Variants in SCAPER observed in about 807,000 individuals in gnomAD.
The protein encoded by SCAPER is S phase cyclin A-associated protein in the endoplasmic reticulum.
In SCAPER, 98 loss-of-function variants were observed where a neutral mutation model predicts 182.2. That is an observed-to-expected ratio of 0.54 (90% confidence interval 0.46 to 0.64). SCAPER has a LOEUF of 0.64. SCAPER is among the 30% of genes least tolerant of loss of function. SCAPER has a pLI of 0.00. For missense variants in SCAPER, 1,432 were observed against 1,690.0 expected, an observed-to-expected ratio of 0.85 and a Z score of 2.68; for synonymous variants, 605 against 564.6, an observed-to-expected ratio of 1.07 and a Z score of -1.01.
intron 25 of SCAPER, 55 bp from the exon 26 acceptor site, chr15:76,434,365 C>CA: frequency 8.0e-7 from 1 of 1,245,002 alleles, no homozygotes; most frequent in African/African-American, 1.5e-5. Flanking sequence ...CAAAAATGGG[C>CA]AGAGACAGTT....
intron 24 of SCAPER, among the ~76,000 whole-genome samples, chr15:76,500,791 T>C (rs1314677694): frequency 3.3e-5 from 5 of 151,928 alleles, no homozygotes; most frequent in African/African-American, 1.2e-4. Flanking sequence ...TAAAAGTTTG[T>C]AGGTTGGGGA....
At chr15:76,517,949 G>A (rs1398510969) in intron 23 of SCAPER, among the ~76,000 whole-genome samples, 1 of 152,036 alleles carries the variant, frequency 6.6e-6, no homozygotes, top group Non-Finnish European at 1.5e-5. Flanking sequence ...GAATATAAAG[G>A]AATGTTAAGT....
intron 25 of SCAPER, among the ~76,000 whole-genome samples, chr15:76,461,410 C>A (rs1469320888): frequency 6.6e-6 from 1 of 151,674 alleles, no homozygotes; most frequent in Non-Finnish European, 1.5e-5. Context: ...TCTCATCCTA[C>A]ATTTGTCCAC....
At chr15:76,650,922 A>G (rs1436469855) in intron 21 of SCAPER, among the ~76,000 whole-genome samples, 1 of 152,158 alleles carries the variant, frequency 6.6e-6, no homozygotes. Flanking sequence ...TAAGTAATCA[A>G]TAGGTCAAAG....
At chr15:76,748,083 C>T (rs867869526) in intron 15 of SCAPER, among the ~76,000 whole-genome samples, 1 of 151,682 alleles carries the variant, frequency 6.6e-6, no homozygotes, top group Non-Finnish European at 1.5e-5. Context: ...CTCCGCCTCC[C>T]GGGTTCAAGC....
intron 20 of SCAPER, among the ~76,000 whole-genome samples, chr15:76,677,619 C>G (rs2057441581): frequency 6.6e-6 from 1 of 151,510 alleles, no homozygotes; most frequent in Admixed American, 6.6e-5. Context: ...TTTTAAACAA[C>G]ACTGCTATAG....
intron 20 of SCAPER, among the ~76,000 whole-genome samples, chr15:76,679,918 C>T (rs1567779960): frequency 6.6e-6 from 1 of 152,104 alleles, no homozygotes. Context: ...CGTCTGAGCT[C>T]AATATTGCAA....
chr15:76,826,175 A>T (rs1405262873), intron 5 of SCAPER, among the ~76,000 whole-genome samples: 2 of 152,156 alleles, frequency 1.3e-5, no homozygotes, highest in Non-Finnish European at 2.9e-5. Context: ...ATGTCCAACA[A>T]TGATAGACTG....
At chr15:76,464,773 G>T (rs894692705) in intron 25 of SCAPER, among the ~76,000 whole-genome samples, 2 of 152,116 alleles carry the variant, frequency 1.3e-5, no homozygotes, top group Admixed American at 1.3e-4. Flanking sequence ...CCAGAAGCAG[G>T]ATTGATGAAT....
intron 30 of SCAPER, among the ~76,000 whole-genome samples, chr15:76,352,443 A>G (rs1041734692): frequency 3.9e-5 from 6 of 151,938 alleles, no homozygotes; most frequent in African/African-American, 1.5e-4. Flanking sequence ...CTGAATTTAG[A>G]AAGAGCACAC....
intron 31 of SCAPER, chr15:76,350,262 C>T (rs1277036017): frequency 6.6e-6 from 1 of 151,888 alleles, no homozygotes; most frequent in Non-Finnish European, 1.5e-5. Context: ...TTCTGGGTGC[C>T]TGAGTCAATA....
Position 76,831,452 on chromosome 15 carries a change from C to T in SCAPER, c.393+10282G>A, listed in dbSNP as rs575683841. On this transcript the variant is annotated intron_variant, in intron 5 of 31. Transcript: ENST00000563290. ...GCCGGCACACACACACCCACAACAT[C>T]CCCTTGTCAGCATGCATGTGCATGA... 1.8e-4 allele frequency among the ~76,000 whole-genome samples: 28 copies of T among 151,906 alleles called. 1 individual carries two copies. The highest frequency in any genetic ancestry group is 3.4e-3 in the Middle Eastern group (1 of 294).
intron 26 of SCAPER, among the ~76,000 whole-genome samples, chr15:76,430,276 C>T (rs1158737156): frequency 1.3e-5 from 2 of 152,212 alleles, no homozygotes; most frequent in Non-Finnish European, 2.9e-5. Flanking sequence ...AGAGCCCCTA[C>T]ACAGAGTCCC....
chr15:76,717,769 C>T (rs1485519560), intron 17 of SCAPER, among the ~76,000 whole-genome samples: 3 of 151,924 alleles, frequency 2.0e-5, no homozygotes, highest in Non-Finnish European at 4.4e-5. Flanking sequence ...TATATATGCA[C>T]CTAACATTGG....
At chr15:76,393,660 TC>T (rs1302887699) in intron 27 of SCAPER, among the ~76,000 whole-genome samples, 1 of 152,232 alleles carries the variant, frequency 6.6e-6, no homozygotes, top group Non-Finnish European at 1.5e-5. Flanking sequence ...AGTCTATTTC[TC>T]CTTTTTTTGA....
chr15:76,354,117 G>A lies in SCAPER; in HGVS notation c.3879C>T (p.His1293=). The change falls in exon 30 of 32, where the codon CAC becomes CAT. Residue 1293 remains histidine (H), a synonymous_variant. Transcript: ENST00000563290. This position sits in a 1 kb window ranked among gnomAD's most constrained non-coding sequence, Gnocchi z 4.4. ...GGCAGAGCTTCTGCAGCACTGTGGG[G>A]TGGCGGCCGGACTGCACGATCACCT... ...DNQVIVQSGR[H]PTVLQKLCQL... The A allele has an allele frequency of 6.2e-7, 1 of 1,608,242 alleles. No individual in the cohort carries two copies. Among genetic ancestry groups the A allele is most frequent in the Non-Finnish European group, 8.5e-7 (1 of 1,178,006 alleles).
At chr15:76,858,604 C>T (rs1053801413) in intron 3 of SCAPER, among the ~76,000 whole-genome samples, 7 of 152,098 alleles carry the variant, frequency 4.6e-5, no homozygotes, top group African/African-American at 1.7e-4. Flanking sequence ...GTTTTTCAAT[C>T]CTCACTCTCC....
At chr15:76,588,357 G>C (rs1476918175) in intron 22 of SCAPER, among the ~76,000 whole-genome samples, 1 of 152,110 alleles carries the variant, frequency 6.6e-6, no homozygotes, top group Admixed American at 6.6e-5. Flanking sequence ...GTCCCTCTTT[G>C]TCTTTTTCAA....
chr15:76,881,198 C>T (rs970529859), intron 2 of SCAPER, among the ~76,000 whole-genome samples: 13 of 152,122 alleles, frequency 8.5e-5, no homozygotes, highest in Non-Finnish European at 7.4e-5. Flanking sequence ...TGGGTTCAAG[C>T]GATTCTCATG....
Sources: allele counts gnomAD v4.1 joint callset (sites outside exome capture counted in the v4.1 genomes callset), GRCh38; gene constraint gnomAD v4.1.1; non-coding constraint Gnocchi (gnomAD v3.1); transcripts MANE v1.5; gene names NCBI Gene and HGNC (gene_info 2026-07-23, HGNC 2026-07-21).